Variants in SCN8A observed in about 807,000 individuals in gnomAD.
SCN8A encodes the protein sodium channel protein type 8 subunit alpha.
SCN8A carries 30 observed loss-of-function variants against 184.1 expected under a neutral mutation model. That is an observed-to-expected ratio of 0.16 (90% CI 0.12 to 0.22). The LOEUF (loss-of-function observed/expected upper bound fraction) is 0.22, where lower values mean the gene tolerates loss of function less well. SCN8A is among the 10% of genes least tolerant of loss of function. The pLI is 1.00. For missense variants in SCN8A, 1,057 were observed against 2,498.9 expected (o/e 0.42, Z 12.30); for synonymous variants, 852 against 907.0 (o/e 0.94, Z 1.09).
At chr12:51,746,056 G>T (rs779275028) in intron 13 of SCN8A, 21 bp downstream of exon 13, 3 of 1,568,354 alleles carry the variant, frequency 1.9e-6, no homozygotes, top group Non-Finnish European at 2.6e-6. Flanking sequence ...TATAATGTCA[G>T]TCCAACCGCT....
chr12:51,780,177 T>C, intron 20 of SCN8A: 1 of 455,556 alleles, frequency 2.2e-6, no homozygotes, highest in South Asian at 1.6e-5. Flanking sequence ...GGAGTATGTG[T>C]ATTTATCTGT....
intron 11 of SCN8A, among the ~76,000 whole-genome samples, chr12:51,708,775 T>A (rs1466623833): frequency 1.3e-5 from 2 of 152,218 alleles, no homozygotes; most frequent in Non-Finnish European, 2.9e-5. Flanking sequence ...CTCCTTCTCC[T>A]TTGTATTTTA....
At chr12:51,646,827 G>A (rs1940599993) in intron 1 of SCN8A, among the ~76,000 whole-genome samples, 1 of 152,182 alleles carries the variant, frequency 6.6e-6, no homozygotes, top group African/African-American at 2.4e-5. Context: ...TAAAGTAGAG[G>A]ACAGCTTTGA....
At chr12:51,687,713 G>A (rs939266885) in intron 5 of SCN8A, among the ~76,000 whole-genome samples, 6 of 152,162 alleles carry the variant, frequency 3.9e-5, no homozygotes, top group Non-Finnish European at 5.9e-5. Flanking sequence ...GGCACTTCCT[G>A]AAGAGTTACT....
rs1035213967 is a variant in SCN8A at position 51,780,894 on chromosome 12, A to G, written c.3942+123A>G. 8 of 1,201,666 alleles carry G rather than the reference A, an allele frequency of 6.7e-6. No individual in the cohort carries two copies. In the South Asian group the frequency reaches 1.0e-4, roughly 15 times the overall value. The allele number at this position is 1,201,666 out of a possible 1,614,324, so 74.4% of individuals were successfully genotyped here. A position where few individuals can be genotyped will look rare whatever the true frequency, so the allele number is the denominator to read the frequency against. ...ATTCTGTGATGCAGCTGCTGATTTGATCCTCCACTCTCTCCCCCACACCTG... is the reference window on the plus strand; with the variant it reads ...ATTCTGTGATGCAGCTGCTGATTTGGTCCTCCACTCTCTCCCCCACACCTG... On this transcript the variant is annotated intron_variant, in intron 21 of 26. Coordinates refer to ENST00000627620, the MANE Select transcript of SCN8A (RefSeq NM_001330260.2).
At chr12:51,679,121 G>A (rs1473941551) in intron 2 of SCN8A, among the ~76,000 whole-genome samples, 2 of 151,542 alleles carry the variant, frequency 1.3e-5, no homozygotes, top group Non-Finnish European at 2.9e-5. Flanking sequence ...CTCACCCCAG[G>A]TGCAGTGGCT....
At chr12:51,761,788 C>T (rs1211050517) in intron 14 of SCN8A, among the ~76,000 whole-genome samples, 5 of 151,974 alleles carry the variant, frequency 3.3e-5, no homozygotes, top group Non-Finnish European at 7.4e-5. Context: ...CATCCCCAGC[C>T]GCCAGTAGAA....
rs567605423 is a variant in SCN8A, at chr12:51,651,661, C to T, written c.-54-11103C>T. Among the ~76,000 whole-genome samples the T allele has an allele frequency of 3.9e-5, 6 of 152,348 alleles. No individual in the cohort carries two copies. In the East Asian group the frequency reaches 7.7e-4, roughly 20 times the overall value. On this transcript the variant is annotated intron_variant, in intron 1 of 26. Coordinates refer to ENST00000627620, the MANE Select transcript of SCN8A (RefSeq NM_001330260.2). Reference sequence around the variant, plus strand: ...AAATTATCTTCCACCTGGTCATTCCCACAACGTGGGAATTATGAGAGTACA... The same window carrying T: ...AAATTATCTTCCACCTGGTCATTCCTACAACGTGGGAATTATGAGAGTACA...
chr12:51,700,156 A>G (rs1168801597), intron 7 of SCN8A, among the ~76,000 whole-genome samples: 2 of 150,382 alleles, frequency 1.3e-5, no homozygotes, highest in African/African-American at 4.9e-5. Flanking sequence ...GGCAACAAGA[A>G]CAAAACTCCA....
chr12:51,679,721 C>CTTTT lies in SCN8A; in HGVS notation c.277-4434_277-4431dup, dbSNP rs34564079. ...TGTGTTTGTCCAAAGACTATCTTGC[C>CTTTT]TTTTTTTTTTTTTTTTTTTTTTGAG... On this transcript the variant is annotated intron_variant, in intron 2 of 26. Coordinates refer to ENST00000627620, the MANE Select transcript of SCN8A (RefSeq NM_001330260.2). Among the ~76,000 whole-genome samples, 14 of 85,506 alleles carry CTTTT rather than the reference C, an allele frequency of 1.6e-4. 4 individuals are homozygous for CTTTT. Among genetic ancestry groups the CTTTT allele is most frequent in the African/African-American group, 5.0e-4 (11 of 22,028 alleles). 56.1% of individuals were successfully genotyped at this position (85,506 alleles called of 152,430 possible).
chr12:51,751,328 G>T, intron 13 of SCN8A, 27 bp from the exon 14 acceptor site: 1 of 1,486,956 alleles, frequency 6.7e-7, no homozygotes, highest in Non-Finnish European at 9.3e-7. Flanking sequence ...GTGATTGAGG[G>T]GCCATCTTTG....
Position 51,684,308 on chromosome 12 carries a change from A to G in SCN8A, c.395+16A>G, listed in dbSNP as rs1410582520. 2 of 1,202,666 alleles carry G rather than the reference A, an allele frequency of 1.7e-6. No homozygotes were observed. Among genetic ancestry groups the G allele is most frequent in the African/African-American group, 1.5e-5 (1 of 66,840 alleles). 74.5% of individuals were successfully genotyped at this position (1,202,666 alleles called of 1,614,324 possible). Reference sequence around the variant, plus strand: ...TGATACATTCATATCCTTTTCGGCAAATGTGGAGTGAGTGCGGCAATTGCA... The same window carrying G: ...TGATACATTCATATCCTTTTCGGCAGATGTGGAGTGAGTGCGGCAATTGCA... On this transcript the variant is annotated intron_variant, in intron 3 of 26. Coordinates refer to ENST00000627620, the MANE Select transcript of SCN8A (RefSeq NM_001330260.2).
At chr12:51,754,905 G>A (rs1048634400) in intron 14 of SCN8A, among the ~76,000 whole-genome samples, 1 of 152,140 alleles carries the variant, frequency 6.6e-6, no homozygotes, top group African/African-American at 2.4e-5. Context: ...TACTGGTGAC[G>A]TTCATTTAAT....
rs750716972 is a variant in SCN8A, at chr12:51,663,101, G to A, written c.276+8G>A. ...TACTATTTGACGCAGAAAGTGAGTT[G>A]GAGGAGGAGGAGCAGCTGCAGATAC... is the stretch of plus-strand genomic sequence containing the variant. On this transcript the variant is annotated splice_region_variant and intron_variant, in intron 2 of 26. Coordinates refer to ENST00000627620, the MANE Select transcript of SCN8A (RefSeq NM_001330260.2). 6.2e-7 allele frequency: 1 copy of A among 1,612,142 alleles called. No homozygotes were observed. The highest frequency in any genetic ancestry group is 1.7e-5 in the Admixed American group (1 of 60,002).
At chr12:51,592,365 CT>C (rs1939246830) in intron 1 of SCN8A, among the ~76,000 whole-genome samples, 2 of 151,998 alleles carry the variant, frequency 1.3e-5, no homozygotes, top group South Asian at 4.2e-4. Flanking sequence ...GGGGCCCCAG[CT>C]TCGAGTTGGG....
At chr12:51,746,762 C>G (rs1322830755) in intron 13 of SCN8A, among the ~76,000 whole-genome samples, 1 of 152,178 alleles carries the variant, frequency 6.6e-6, no homozygotes, top group African/African-American at 2.4e-5. Context: ...CACAGTCCCC[C>G]TAGCAAGAAT....
chr12:51,652,348 A>G (rs139433661), intron 1 of SCN8A, among the ~76,000 whole-genome samples: 1 of 152,232 alleles, frequency 6.6e-6, no homozygotes, highest in East Asian at 1.9e-4. Flanking sequence ...AATTGCTACA[A>G]TAGTCTTCTT....
chr12:51,680,067 T>G (rs1028102755), intron 2 of SCN8A, among the ~76,000 whole-genome samples: 1 of 152,190 alleles, frequency 6.6e-6, no homozygotes, highest in Non-Finnish European at 1.5e-5. Context: ...TCTGTAAATC[T>G]AATTATTTCA....
chr12:51,805,956 G>A (rs576406958), intron 26 of SCN8A, among the ~76,000 whole-genome samples: 3 of 152,140 alleles, frequency 2.0e-5, no homozygotes, highest in African/African-American at 7.2e-5. Flanking sequence ...TGCCTCCCAA[G>A]TAACTGGAAT....
Sources: gnomAD v4.1 joint callset for allele counts (sites outside exome capture counted in the v4.1 genomes callset) on GRCh38, gnomAD v4.1.1 for gene constraint, MANE v1.5 for transcripts, NCBI Gene and HGNC (gene_info 2026-07-23, HGNC 2026-07-21) for gene names.